Variants in ARFGAP2 observed in about 807,000 individuals in gnomAD.
ARFGAP2 encodes the protein ARF GTPase activating protein 2, also known as ADP-ribosylation factor GTPase-activating protein 2.
In ARFGAP2, 45 loss-of-function variants were observed where a neutral mutation model predicts 71.9. That is an observed-to-expected ratio of 0.63 (90% confidence interval 0.49 to 0.80). ARFGAP2 has a LOEUF of 0.80. Ranked by LOEUF, ARFGAP2 falls within the 30% of genes least tolerant of loss-of-function variation. ARFGAP2 has a pLI of 0.00. For synonymous variants in ARFGAP2, 248 were observed against 249.2 expected, an observed-to-expected ratio of 1.00 and a Z score of 0.05; for missense variants, 633 against 673.9, an observed-to-expected ratio of 0.94 and a Z score of 0.67.
At chr11:47,169,724 G>A (rs2135426353) in intron 10 of ARFGAP2, among the ~76,000 whole-genome samples, 1 of 152,258 alleles carries the variant, frequency 6.6e-6, no homozygotes, top group South Asian at 2.1e-4. Context: ...AGGTGTGGAG[G>A]CTGAGGCAAG....
Position 47,165,513 on chromosome 11 carries a change from G to C in ARFGAP2, c.1546-11C>G, listed in dbSNP as rs1231397360. 2 of 1,530,232 alleles carry C rather than the reference G, an allele frequency of 1.3e-6. No homozygotes were observed. The highest frequency in any genetic ancestry group is 2.4e-5 in the East Asian group (1 of 41,886). 94.8% of individuals were successfully genotyped at this position (1,530,232 alleles called of 1,614,324 possible). A position where few individuals can be genotyped will look rare whatever the true frequency, so the allele number is the denominator to read the frequency against. ...GGAACCGTAGCGATCCTGGGGGCGAGGGGGGAGAAAAAAAAAAAAAAAGTC... is the reference window on the plus strand; with the variant it reads ...GGAACCGTAGCGATCCTGGGGGCGACGGGGGAGAAAAAAAAAAAAAAAGTC... On this transcript the variant is annotated splice_polypyrimidine_tract_variant and intron_variant, in intron 15 of 15. Transcript: ENST00000524782.
At chr11:47,172,782 G>C in intron 7 of ARFGAP2, 1 of 1,291,470 alleles carries the variant, frequency 7.7e-7, no homozygotes, top group South Asian at 1.2e-5. Context: ...TGGCTAACAA[G>C]AGGCCCACCC....
At position 47,176,763 on chromosome 11, in the gene ARFGAP2, G is replaced by A. The variant is rs372423605; in HGVS notation, c.72+19C>T. Reference sequence around the variant, plus strand: ...GCCCCAGCGGGACGAGAGACTCCGCGCGCCCCCTGCTCACGCACCTTGTTG... The same window carrying A: ...GCCCCAGCGGGACGAGAGACTCCGCACGCCCCCTGCTCACGCACCTTGTTG... On this transcript the variant is annotated intron_variant, in intron 1 of 15. Transcript: ENST00000524782. 1 of 1,613,882 alleles carries A rather than the reference G, an allele frequency of 6.2e-7. No homozygotes were observed. The highest frequency in any genetic ancestry group is 8.5e-7 in the Non-Finnish European group (1 of 1,179,874).
chr11:47,168,634 C>T (rs936682548), intron 10 of ARFGAP2: 1 of 187,912 alleles, frequency 5.3e-6, no homozygotes, highest in African/African-American at 2.4e-5. Context: ...GATTCTTGTG[C>T]CTCAGCCTCC....
intron 12 of ARFGAP2, among the ~76,000 whole-genome samples, chr11:47,167,598 G>C (rs1952433569): frequency 6.6e-6 from 1 of 152,152 alleles, no homozygotes; most frequent in East Asian, 1.9e-4. Flanking sequence ...GAAGCTGCCA[G>C]GCCCTCTATG....
In ARFGAP2 at chr11:47,164,338, C is replaced by A. The variant is rs923878042; in HGVS notation, c.*1144G>T. 2.9e-6 allele frequency: 4 copies of A among 1,385,346 alleles called. No homozygotes were observed. In the Admixed American group the frequency reaches 1.1e-4, roughly 39 times the overall value. 85.8% of individuals were successfully genotyped at this position (1,385,346 alleles called of 1,614,324 possible). A position where few individuals can be genotyped will look rare whatever the true frequency, so the allele number is the denominator to read the frequency against. Reference sequence around the variant, plus strand: ...AACAGGGAGCCAGGCCCTGCAGGGGCTTTATTTTGACACCACTTTGTTTCA... The same window carrying A: ...AACAGGGAGCCAGGCCCTGCAGGGGATTTATTTTGACACCACTTTGTTTCA... On this transcript the variant is annotated 3_prime_UTR_variant, in exon 16 of 16. Coordinates refer to ENST00000524782, the MANE Select transcript of ARFGAP2 (RefSeq NM_032389.6).
chr11:47,174,046 T>C, intron 5 of ARFGAP2: 2 of 915,738 alleles, frequency 2.2e-6, no homozygotes, highest in Non-Finnish European at 3.3e-6. Context: ...CCCTTCACTA[T>C]TTACTTAGAG....
At chr11:47,174,426 T>C (rs1441239732) in intron 5 of ARFGAP2, 2 of 123,004 alleles carry the variant, frequency 1.6e-5, no homozygotes, top group East Asian at 4.9e-4. Context: ...TCTCGCTCTG[T>C]CGCCCAGGCC....
chr11:47,168,110 A>C lies in ARFGAP2; in HGVS notation c.1070+13T>G. 6.2e-7 allele frequency: 1 copy of C among 1,614,228 alleles called. No individual in the cohort carries two copies. The highest frequency in any genetic ancestry group is 8.5e-7 in the Non-Finnish European group (1 of 1,180,038). ...ACACAGCAGCCAAGTTTACAGCTAG[A>C]AAACAGCCTTACTTTGGGGGTCCAG... On this transcript the variant is annotated intron_variant, in intron 11 of 15. Coordinates refer to ENST00000524782, the MANE Select transcript of ARFGAP2 (RefSeq NM_032389.6).
rs1952834725 is a variant in ARFGAP2 at position 47,176,503 on chromosome 11, G to C, written c.191+13C>G. 8 of 1,611,346 alleles carry C rather than the reference G, an allele frequency of 5.0e-6. No homozygotes were observed. The East Asian group carries it at 1.8e-4, about 36-fold the overall frequency. ...GGCCGGGTGGAAACACGGCAACCGC[G>C]CGGAGAGCCTACCTGATGAAGCTCA... On this transcript the variant is annotated intron_variant, in intron 2 of 15. Coordinates refer to ENST00000524782, the MANE Select transcript of ARFGAP2 (RefSeq NM_032389.6).
intron 7 of ARFGAP2, chr11:47,172,599 T>C (rs1645920626): frequency 7.7e-7 from 1 of 1,305,632 alleles, no homozygotes; most frequent in South Asian, 1.3e-5. Flanking sequence ...CCAAATTCCC[T>C]GAACCAAAAC....
At position 47,166,816 on chromosome 11, in the gene ARFGAP2, C is replaced by T. The variant is rs777350540; in HGVS notation, c.1276G>A (p.Ala426Thr). 7 of 1,613,988 alleles carry T rather than the reference C, an allele frequency of 4.3e-6. No individual in the cohort carries two copies. Among genetic ancestry groups the T allele is most frequent in the African/African-American group, 1.3e-5 (1 of 74,942 alleles). ...TCAGATGAGATGGCTTTGGCTCCTG[C>T]GAATTTCTGACGCGCCTCACTAGAC... The part of the protein sequence containing the change: ...LESSEARQKF[A>T]GAKAISSDMF... The change falls in exon 13 of 16, where the codon GCA becomes ACA. Residue 426 changes from alanine to threonine, a missense_variant. By Grantham distance (58) the Ala-to-Thr change is moderately conservative (BLOSUM62 0). Coordinates refer to ENST00000524782, the MANE Select transcript of ARFGAP2 (RefSeq NM_032389.6).
intron 3 of ARFGAP2, 44 bp from the exon 4 acceptor site, chr11:47,175,357 C>G: frequency 6.2e-7 from 1 of 1,613,378 alleles, no homozygotes; most frequent in South Asian, 1.1e-5. Context: ...GGGTGATTCT[C>G]AAGAAGGAAA....
At chr11:47,173,661 G>A (rs1407586078) in intron 6 of ARFGAP2, 98 bp downstream of exon 6, 24 of 1,465,260 alleles carry the variant, frequency 1.6e-5, no homozygotes, top group Non-Finnish European at 2.2e-5. Context: ...AGATACAGGA[G>A]GACCCCTGCT....
rs373025084 is a variant in ARFGAP2, at chr11:47,168,000, G to A, written c.1114C>T (p.Arg372Cys). The A allele has an allele frequency of 1.2e-5, 20 of 1,614,070 alleles. No homozygotes were observed. Among genetic ancestry groups the A allele is most frequent in the South Asian group, 6.6e-5 (6 of 91,068 alleles). The change falls in exon 12 of 16, where the codon CGC becomes TGC. Residue 372 changes from arginine (R) to cysteine (C), a missense_variant. By Grantham distance (180) the Arg-to-Cys change is radical. Transcript: ENST00000524782. ...PFSLGESFGS[R>C]WDTDAAWGMD... ...CCCCAGGCAGCATCTGTATCCCAGC[G>A]GGAGCCAAAGCTTTCCCCTAAGGAA...
At position 47,175,236 on chromosome 11, in the gene ARFGAP2, G is replaced by A; in HGVS notation, c.342C>T (p.Tyr114=). ...TKYNSRAAQM[Y]REKIRQLGSA... is the part of the protein sequence containing the mutation. ...TCCCCAGCTGCCGGATCTTCTCCCG[G>A]TACATCTGGGCAGCTCGGCTATTAT... The change falls in exon 4 of 16, where the codon TAC becomes TAT. Residue 114 remains tyrosine, a synonymous_variant. Coordinates refer to ENST00000524782, the MANE Select transcript of ARFGAP2 (RefSeq NM_032389.6). 6.2e-7 allele frequency: 1 copy of A among 1,614,128 alleles called. No individual in the cohort carries two copies. Among genetic ancestry groups the A allele is most frequent in the Non-Finnish European group, 8.5e-7 (1 of 1,180,026 alleles).
At chr11:47,174,858 C>T in intron 5 of ARFGAP2, 157 bp downstream of exon 5, 3 of 771,746 alleles carry the variant, frequency 3.9e-6, no homozygotes, top group Non-Finnish European at 6.5e-6. Context: ...GGAGGAAACA[C>T]CTAGGCCTAC....
rs61897791 is a variant in ARFGAP2 at position 47,165,010 on chromosome 11, T to G, written c.*472A>C. The G allele has an allele frequency of 0.086, 13,525 of 157,980 alleles. 609 individuals are homozygous for G. Among genetic ancestry groups the G allele is most frequent in the African/African-American group, 0.096 (3,995 of 41,720 alleles). The allele number at this position is 157,980 out of a possible 1,614,324, so 9.8% of individuals were successfully genotyped here. On this transcript the variant is annotated 3_prime_UTR_variant, in exon 16 of 16. Transcript: ENST00000524782. ...AGCAAGTCCGCAGCCTCTTTCCCCATGGGACGGGTCTACAGTGAACTCCTT... is the reference window on the plus strand; with the variant it reads ...AGCAAGTCCGCAGCCTCTTTCCCCAGGGGACGGGTCTACAGTGAACTCCTT...
At chr11:47,172,176 C>T in intron 8 of ARFGAP2, 105 bp downstream of exon 8, 1 of 1,183,806 alleles carries the variant, frequency 8.4e-7, no homozygotes, top group Non-Finnish European at 1.2e-6. Flanking sequence ...AACACAGTAC[C>T]TTTGCCAAAG....
Sources: gnomAD v4.1 joint callset for allele counts (sites outside exome capture counted in the v4.1 genomes callset) on GRCh38, gnomAD v4.1.1 for gene constraint, MANE v1.5 for transcripts, NCBI Gene and HGNC (gene_info 2026-07-23, HGNC 2026-07-21) for gene names.